The following WASL variants were observed in gnomAD, a reference collection of about 807,000 sequenced individuals.
WASL encodes the protein WASP like actin nucleation promoting factor, also known as actin nucleation-promoting factor WASL.
In WASL, 20 loss-of-function variants were observed where a neutral mutation model predicts 55.5. The observed-to-expected ratio is 0.36, with a 90% CI of 0.25 to 0.52. WASL has a LOEUF of 0.52. Ranked by LOEUF, WASL falls within the 20% of genes least tolerant of loss-of-function variation. The pLI is 0.92. For synonymous variants in WASL, 249 were observed against 217.6 expected (o/e 1.14, Z -1.27); for missense variants, 504 against 622.5 (o/e 0.81, Z 2.03).
chr7:123,740,520 A>C (rs1804321911), intron 1 of WASL, among the ~76,000 whole-genome samples: 1 of 152,152 alleles, frequency 6.6e-6, no homozygotes, highest in Non-Finnish European at 1.5e-5. Flanking sequence ...CTAATTACTA[A>C]ATACTTAATA....
At chr7:123,707,259 T>C (rs922947099) in intron 2 of WASL, among the ~76,000 whole-genome samples, 1 of 152,218 alleles carries the variant, frequency 6.6e-6, no homozygotes, top group Non-Finnish European at 1.5e-5. Flanking sequence ...AGGAATACTT[T>C]ATGTTCTTTT....
intron 1 of WASL, among the ~76,000 whole-genome samples, chr7:123,722,921 G>A (rs188743999): frequency 7.7e-4 from 117 of 152,294 alleles, no homozygotes; most frequent in Non-Finnish European, 1.4e-3. Flanking sequence ...CTGGACACAA[G>A]TGAGGGCAAA....
Position 123,689,026 on chromosome 7 carries a change from C to G in WASL, c.1456+16G>C, listed in dbSNP as rs1462779193. The G allele has an allele frequency of 1.9e-6, 3 of 1,594,422 alleles. No homozygotes were observed. Among genetic ancestry groups the G allele is most frequent in the Non-Finnish European group, 1.7e-6 (2 of 1,164,548 alleles). ...TCTCTGTCTCTCTCTCTCTCTCTCT[C>G]TCTCTCTCTCTCTACCTGAAGAATG... On this transcript the variant is annotated intron_variant, in intron 10 of 10. Coordinates refer to ENST00000223023, the MANE Select transcript of WASL (RefSeq NM_003941.4).
At position 123,682,317 on chromosome 7, in the gene WASL, GTCT is replaced by G. The variant is rs1288370578; in HGVS notation, c.*2199_*2201del. 3.3e-5 allele frequency: 5 copies of G among 152,116 alleles called. No individual in the cohort carries two copies. The highest frequency in any genetic ancestry group is 1.2e-4 in the African/African-American group (5 of 41,426). 9.4% of individuals were successfully genotyped at this position (152,116 alleles called of 1,614,324 possible). ...CACCTTACTTGGTAAAGCAGATTTA[GTCT>G]TCATGCCTGGACTGAACTCCACAGC... On this transcript the variant is annotated 3_prime_UTR_variant, in exon 11 of 11. Coordinates refer to ENST00000223023, the MANE Select transcript of WASL (RefSeq NM_003941.4).
At chr7:123,745,060 A>G (rs763405405) in intron 1 of WASL, among the ~76,000 whole-genome samples, 7 of 152,164 alleles carry the variant, frequency 4.6e-5, no homozygotes, top group Non-Finnish European at 1.0e-4. Context: ...ACATTTAGGC[A>G]TATTTGCAGC....
At chr7:123,728,094 G>A (rs1261888220) in intron 1 of WASL, among the ~76,000 whole-genome samples, 2 of 152,198 alleles carry the variant, frequency 1.3e-5, no homozygotes, top group Non-Finnish European at 2.9e-5. Flanking sequence ...TTTTCAAAGT[G>A]AGATGTCTCT....
intron 1 of WASL, among the ~76,000 whole-genome samples, chr7:123,718,225 T>C (rs771568227): frequency 9.2e-5 from 14 of 152,220 alleles, no homozygotes; most frequent in Non-Finnish European, 1.8e-4. Context: ...AGACTTAATT[T>C]TGGATTGTTT....
At chr7:123,740,242 T>C (rs967213446) in intron 1 of WASL, among the ~76,000 whole-genome samples, 1 of 152,030 alleles carries the variant, frequency 6.6e-6, no homozygotes, top group Admixed American at 6.6e-5. Context: ...TTTCATTTGA[T>C]CACATTTTCT....
At chr7:123,737,020 T>A (rs1018476397) in intron 1 of WASL, among the ~76,000 whole-genome samples, 1 of 152,036 alleles carries the variant, frequency 6.6e-6, no homozygotes, top group Admixed American at 6.6e-5. Flanking sequence ...ATGAAAGAAA[T>A]AGAAGAAACT....
intron 5 of WASL, among the ~76,000 whole-genome samples, chr7:123,702,977 G>GT (rs1224688607): frequency 6.6e-6 from 1 of 152,014 alleles, no homozygotes; most frequent in Non-Finnish European, 1.5e-5. Context: ...TTCTCTGTTG[G>GT]TACTCAATAC....
chr7:123,706,973 G>A, intron 2 of WASL, 147 bp from the exon 3 acceptor site: 1 of 439,306 alleles, frequency 2.3e-6, no homozygotes, highest in Non-Finnish European at 4.0e-6. Flanking sequence ...TATATAAATA[G>A]TGTCACATAA....
In WASL at chr7:123,741,761, CTT is replaced by C. The variant is rs570543370; in HGVS notation, c.117+6855_117+6856del. Among the ~76,000 whole-genome samples the C allele has an allele frequency of 1.3e-4, 20 of 152,202 alleles. 1 individual carries two copies. In the East Asian group the frequency reaches 3.7e-3, roughly 28 times the overall value. On this transcript the variant is annotated intron_variant, in intron 1 of 10. Coordinates refer to ENST00000223023, the MANE Select transcript of WASL (RefSeq NM_003941.4). ...TTGCTCTTACCAGTTTTTATAAAGA[CTT>C]TTTAAAAATCTTACTATAGAAGACT...
intron 1 of WASL, among the ~76,000 whole-genome samples, chr7:123,721,034 T>C (rs1022934827): frequency 2.6e-5 from 4 of 152,172 alleles, no homozygotes; most frequent in Middle Eastern, 3.2e-3. Flanking sequence ...CTGAATAACA[T>C]ACTACAGTGC....
chr7:123,702,258 G>A (rs769030242), intron 5 of WASL, among the ~76,000 whole-genome samples: 14 of 152,068 alleles, frequency 9.2e-5, no homozygotes, highest in Non-Finnish European at 1.8e-4. Flanking sequence ...GTTTCGTTAT[G>A]TTGGCCAGGC....
intron 1 of WASL, among the ~76,000 whole-genome samples, chr7:123,742,006 T>A (rs902057488): frequency 4.6e-5 from 7 of 152,108 alleles, no homozygotes; most frequent in African/African-American, 9.7e-5. Context: ...GATAACTTTT[T>A]AAAAAAATAG....
At chr7:123,743,735 T>C (rs924504550) in intron 1 of WASL, among the ~76,000 whole-genome samples, 1 of 152,200 alleles carries the variant, frequency 6.6e-6, no homozygotes, top group African/African-American at 2.4e-5. Context: ...GTATTTTCCA[T>C]AATGATTGAA....
chr7:123,705,735 A>C (rs1803658511), intron 4 of WASL, among the ~76,000 whole-genome samples: 1 of 152,168 alleles, frequency 6.6e-6, no homozygotes, highest in African/African-American at 2.4e-5. Context: ...GTTGTTTCAC[A>C]CACTAAACTA....
chr7:123,748,726 G>A lies in WASL; in HGVS notation c.9C>T (p.Ser3=), dbSNP rs774059540. Residue 3 remains serine, a synonymous_variant, in exon 1 of 11, where the codon TCC becomes TCT. Coordinates refer to ENST00000223023, the MANE Select transcript of WASL (RefSeq NM_003941.4). ...GCGGCGGCGGCGGCTGCTGCTGGACGGAGCTCATGGTTTCGCCGGCGGGGT... is the reference window on the plus strand; with the variant it reads ...GCGGCGGCGGCGGCTGCTGCTGGACAGAGCTCATGGTTTCGCCGGCGGGGT... The part of the protein sequence containing the change: MS[S]VQQQPPPPRR... 2 of 1,587,200 alleles carry A rather than the reference G, an allele frequency of 1.3e-6. No individual in the cohort carries two copies. The highest frequency in any genetic ancestry group is 1.4e-5 in the African/African-American group (1 of 72,530).
chr7:123,694,050 G>A (rs369642170), intron 8 of WASL, among the ~76,000 whole-genome samples: 4 of 152,158 alleles, frequency 2.6e-5, no homozygotes, highest in East Asian at 1.9e-4. Context: ...TGTTTTAACC[G>A]GAGCTTTTGC....
Sources: allele counts gnomAD v4.1 joint callset (sites outside exome capture counted in the v4.1 genomes callset), GRCh38; gene constraint gnomAD v4.1.1; transcripts MANE v1.5; gene names NCBI Gene and HGNC (gene_info 2026-07-23, HGNC 2026-07-21).